The following RNF13 variants were observed in gnomAD, a reference collection of about 807,000 sequenced individuals.
The protein encoded by RNF13 is ring finger protein 13, also known as E3 ubiquitin-protein ligase RNF13.
A neutral mutation model predicts 37.7 loss-of-function variants in RNF13; 19 were observed. That is an observed-to-expected ratio of 0.50 (90% CI 0.35 to 0.74). RNF13 has a LOEUF of 0.74. RNF13 is among the 30% of genes least tolerant of loss of function. The pLI is 0.01. For synonymous variants in RNF13, 144 were observed against 157.8 expected (o/e 0.91, Z 0.65); for missense variants, 375 against 453.0 (o/e 0.83, Z 1.56).
intron 4 of RNF13, among the ~76,000 whole-genome samples, chr3:149,884,070 A>G (rs1235827403): frequency 6.6e-6 from 1 of 152,122 alleles, no homozygotes; most frequent in Non-Finnish European, 1.5e-5. Context: ...CATGGTGTAT[A>G]TGTACCACAT....
At chr3:149,945,754 TTC>T (rs1720712009) in intron 8 of RNF13, among the ~76,000 whole-genome samples, 2 of 152,088 alleles carry the variant, frequency 1.3e-5, no homozygotes, top group Non-Finnish European at 2.9e-5. Context: ...CCATTTGCTG[TTC>T]AGCCATATTC....
At chr3:149,918,925 A>G (rs1352213311) in intron 7 of RNF13, among the ~76,000 whole-genome samples, 11 of 152,034 alleles carry the variant, frequency 7.2e-5, no homozygotes, top group Admixed American at 7.2e-4. Flanking sequence ...TTTTTTTCTT[A>G]TACAATGTGA....
intron 4 of RNF13, among the ~76,000 whole-genome samples, chr3:149,889,739 C>T (rs749178147): frequency 2.0e-5 from 3 of 149,938 alleles, no homozygotes; most frequent in Non-Finnish European, 3.0e-5. Flanking sequence ...ACTGCAACCT[C>T]TGACTTCCGG....
intron 8 of RNF13, among the ~76,000 whole-genome samples, chr3:149,934,653 G>A (rs1459465238): frequency 2.0e-5 from 3 of 146,850 alleles, no homozygotes; most frequent in African/African-American, 7.4e-5. Flanking sequence ...AGTTTTCAAA[G>A]TTCCTTTTTT....
At chr3:149,842,379 C>G (rs1327785241) in intron 1 of RNF13, among the ~76,000 whole-genome samples, 3 of 152,178 alleles carry the variant, frequency 2.0e-5, no homozygotes, top group Non-Finnish European at 4.4e-5. Flanking sequence ...AAAGTCCTTT[C>G]TTTCTATATT....
chr3:149,909,112 G>GC (rs1301801190), intron 6 of RNF13, among the ~76,000 whole-genome samples: 6 of 152,146 alleles, frequency 3.9e-5, no homozygotes, highest in Admixed American at 3.3e-4. Flanking sequence ...GGAGACCTGG[G>GC]CTGACAGAAG....
At chr3:149,951,787 G>C (rs1265712187) in intron 8 of RNF13, among the ~76,000 whole-genome samples, 1 of 152,184 alleles carries the variant, frequency 6.6e-6, no homozygotes, top group East Asian at 1.9e-4. Flanking sequence ...TTTCAGAGCA[G>C]CCTAATTAGG....
At chr3:149,909,704 C>A (rs1716793105) in intron 6 of RNF13, among the ~76,000 whole-genome samples, 1 of 151,982 alleles carries the variant, frequency 6.6e-6, no homozygotes, top group South Asian at 2.1e-4. Context: ...AGATTTAGAA[C>A]CCGGGCGTAT....
At position 149,852,477 on chromosome 3, in the gene RNF13, A is replaced by C. The variant is rs776981131; in HGVS notation, c.115-39A>C. On this transcript the variant is annotated intron_variant, in intron 2 of 9. Transcript: ENST00000392894. ...GTCTTTGTTTTTAATGTTATATATA[A>C]ATTGGTCTTAACTTGAATATTTAAA... The C allele has an allele frequency of 4.5e-6, 4 of 892,534 alleles. No homozygotes were observed. The East Asian group carries it at 1.1e-4, about 25-fold the overall frequency. 55.3% of individuals were successfully genotyped at this position (892,534 alleles called of 1,614,324 possible).
intron 2 of RNF13, among the ~76,000 whole-genome samples, chr3:149,850,274 C>G (rs1289879736): frequency 1.3e-5 from 2 of 152,016 alleles, no homozygotes. Context: ...GCCACCACAT[C>G]CGGCCTACTA....
At chr3:149,952,865 C>T (rs967958847) in intron 8 of RNF13, among the ~76,000 whole-genome samples, 3 of 152,198 alleles carry the variant, frequency 2.0e-5, no homozygotes, top group Non-Finnish European at 2.9e-5. Flanking sequence ...TCCCAGAGTG[C>T]TGGGATTACA....
intron 3 of RNF13, among the ~76,000 whole-genome samples, chr3:149,860,256 T>TAAAAA (rs764889596): frequency 2.2e-4 from 13 of 57,808 alleles, no homozygotes; most frequent in African/African-American, 4.6e-4. Context: ...AGACTCCATC[T>TAAAAA]AAAAAAAAAA....
At chr3:149,828,277 G>A (rs181865005) in intron 1 of RNF13, among the ~76,000 whole-genome samples, 8 of 152,240 alleles carry the variant, frequency 5.3e-5, no homozygotes, top group African/African-American at 1.9e-4. Flanking sequence ...ATGTTGTTTT[G>A]ATGATTAGAA....
chr3:149,839,606 TC>T (rs1553752374), intron 1 of RNF13, among the ~76,000 whole-genome samples: 2 of 16,696 alleles, frequency 1.2e-4, no homozygotes. Flanking sequence ...TGAGACTTAC[TC>T]ACTCTCATGA....
At chr3:149,890,680 A>G (rs994561392) in intron 4 of RNF13, among the ~76,000 whole-genome samples, 2 of 152,112 alleles carry the variant, frequency 1.3e-5, no homozygotes, top group African/African-American at 4.8e-5. Flanking sequence ...CCTTTCAGTA[A>G]CACTCTTCTT....
chr3:149,848,242 T>C (rs1225983018), intron 2 of RNF13, among the ~76,000 whole-genome samples: 2 of 152,218 alleles, frequency 1.3e-5, no homozygotes, highest in Non-Finnish European at 2.9e-5. Context: ...CAATCCTTTT[T>C]GCCAGCAGTG....
intron 4 of RNF13, chr3:149,893,831 G>A (rs1300591308): frequency 6.6e-6 from 1 of 152,082 alleles, no homozygotes; most frequent in Non-Finnish European, 1.5e-5. Flanking sequence ...ACCTTTCTTT[G>A]CACAACTCTA....
intron 3 of RNF13, among the ~76,000 whole-genome samples, chr3:149,855,450 G>T (rs1723551753): frequency 6.6e-6 from 1 of 151,252 alleles, no homozygotes; most frequent in Non-Finnish European, 1.5e-5. Context: ...TCTGTAATAT[G>T]AATGATCATA....
At chr3:149,831,390 G>C (rs903720097) in intron 1 of RNF13, among the ~76,000 whole-genome samples, 1 of 152,192 alleles carries the variant, frequency 6.6e-6, no homozygotes, top group African/African-American at 2.4e-5. Context: ...CTCTTCCTCA[G>C]CATGAGCTGG....
Sources: gnomAD v4.1 joint callset for allele counts (sites outside exome capture counted in the v4.1 genomes callset) on GRCh38, gnomAD v4.1.1 for gene constraint, MANE v1.5 for transcripts, NCBI Gene and HGNC (gene_info 2026-07-23, HGNC 2026-07-21) for gene names.